Variants in IL31RA observed in about 807,000 individuals in gnomAD.
The protein encoded by IL31RA is interleukin-31 receptor subunit alpha.
Under a neutral mutation model 83.7 loss-of-function variants are expected in IL31RA, and 66 were observed. The ratio of observed to expected loss-of-function variants is 0.79; its 90% CI spans 0.65 to 0.97. The LOEUF (loss-of-function observed/expected upper bound fraction) is 0.97, where lower values mean the gene tolerates loss of function less well. Among genes scored for constraint, IL31RA ranks in the 50% least tolerant of loss-of-function variants. The pLI is 0.00. For missense variants in IL31RA, 798 were observed against 919.4 expected, an observed-to-expected ratio of 0.87 and a Z score of 1.71; for synonymous variants, 325 against 329.0, an observed-to-expected ratio of 0.99 and a Z score of 0.13.
chr5:55,848,588 TA>T (rs1378044919), upstream of IL31RA, among the ~76,000 whole-genome samples: 1 of 152,234 alleles, frequency 6.6e-6, no homozygotes, highest in African/African-American at 2.4e-5. Flanking sequence ...AATTACAATT[TA>T]TCTGTTTTGG....
chr5:55,848,808 A>G (rs1180581942), upstream of IL31RA, among the ~76,000 whole-genome samples: 1 of 152,208 alleles, frequency 6.6e-6, no homozygotes, highest in East Asian at 1.9e-4. Context: ...GGGAAACACT[A>G]TCCATCCGTC....
intron 3 of IL31RA, among the ~76,000 whole-genome samples, chr5:55,869,204 G>T (rs889764572): frequency 1.3e-5 from 2 of 152,138 alleles, no homozygotes; most frequent in Non-Finnish European, 2.9e-5. Flanking sequence ...CCTCTTTCCA[G>T]AATGTGTTAT....
At chr5:55,888,163 T>G (rs559326681) in intron 5 of IL31RA, among the ~76,000 whole-genome samples, 78 of 152,332 alleles carry the variant, frequency 5.1e-4, no homozygotes, top group Non-Finnish European at 7.8e-4. Context: ...AAGCATAGAT[T>G]GTTAACAGTG....
intron 2 of IL31RA, among the ~76,000 whole-genome samples, chr5:55,861,954 G>A (rs1745715927): frequency 6.6e-6 from 1 of 152,174 alleles, no homozygotes; most frequent in African/African-American, 2.4e-5. Context: ...AGGGAAGGAG[G>A]GAGATGGAGA....
chr5:55,905,420 C>T (rs901391880), intron 8 of IL31RA, among the ~76,000 whole-genome samples: 3 of 152,120 alleles, frequency 2.0e-5, no homozygotes, highest in East Asian at 3.9e-4. Flanking sequence ...TCAGTAAGAT[C>T]TCTGTCTGAT....
At chr5:55,870,259 AT>A (rs1746433050) in intron 3 of IL31RA, among the ~76,000 whole-genome samples, 1 of 152,156 alleles carries the variant, frequency 6.6e-6, no homozygotes, top group African/African-American at 2.4e-5. Context: ...GCCCCAAAGT[AT>A]TTTTGTTCGT....
At chr5:55,859,413 C>A (rs1433580042) in intron 1 of IL31RA, 96 bp from the exon 2 acceptor site, 1 of 875,830 alleles carries the variant, frequency 1.1e-6, no homozygotes, top group Non-Finnish European at 2.0e-6. Flanking sequence ...AGGATCCTTC[C>A]TCCTTCCAAA....
At chr5:55,886,268 C>CTTGCTCTTTTTTTTTTTTTTTTTTTTTTT (rs1235138364) in intron 5 of IL31RA, among the ~76,000 whole-genome samples, 2 of 71,502 alleles carry the variant, frequency 2.8e-5, no homozygotes, top group African/African-American at 1.5e-4. Context: ...TGCTTGCTTG[C>CTTGCTCTTTTTTTTTTTTTTTTTTTTTTT]TTTTTTTTTT....
intron 2 of IL31RA, among the ~76,000 whole-genome samples, chr5:55,863,185 CT>C (rs1257253918): frequency 6.6e-6 from 1 of 152,200 alleles, no homozygotes; most frequent in Admixed American, 6.5e-5. Flanking sequence ...CCTCAACCCC[CT>C]AATCTGTGAT....
intron 2 of IL31RA, among the ~76,000 whole-genome samples, chr5:55,865,671 T>C (rs1746007941): frequency 6.6e-6 from 1 of 152,120 alleles, no homozygotes; most frequent in South Asian, 2.1e-4. Flanking sequence ...AAATGGAACA[T>C]CCCTATTTTC....
In IL31RA at chr5:55,916,671, G is replaced by A. The variant is rs762797183; in HGVS notation, c.1846G>A (p.Asp616Asn). The change falls in exon 15 of 15, where the codon GAC (aspartate) becomes AAC (asparagine). Residue 616 changes from aspartate (D) to asparagine (N), a missense_variant. Transcript: ENST00000652347. ...KDKLNLKESD[D>N]SVNTEDRILK... ...TAAGCTAAACCTGAAGGAGTCTGAT[G>A]ACTCTGTGAACACAGAAGACAGGAT... 6.2e-7 allele frequency: 1 copy of A among 1,614,112 alleles called. No individual in the cohort carries two copies. The highest frequency in any genetic ancestry group is 8.5e-7 in the Non-Finnish European group (1 of 1,179,972).
the IL31RA span, chr5:55,840,050 A>G: frequency 2.4e-6 from 1 of 416,258 alleles, no homozygotes; most frequent in Non-Finnish European, 4.6e-6. Flanking sequence ...TCTGGTGTCA[A>G]AACAGACCAG....
chr5:55,902,680 C>T (rs886154546), intron 8 of IL31RA, among the ~76,000 whole-genome samples: 5 of 151,974 alleles, frequency 3.3e-5, no homozygotes, highest in African/African-American at 1.2e-4. Flanking sequence ...ATTTTGCTTA[C>T]TAAAGTGGAG....
In IL31RA at chr5:55,900,114, C is replaced by A. The variant is rs1488425459; in HGVS notation, c.1051C>A (p.Pro351Thr). 1.2e-6 allele frequency: 2 copies of A among 1,613,072 alleles called. No homozygotes were observed. Among genetic ancestry groups the A allele is most frequent in the Admixed American group, 1.7e-5 (1 of 60,026 alleles). Residue 351 changes from proline (P) to threonine (T), a missense_variant, in exon 8 of 15, where the codon CCA becomes ACA. Physicochemically the swap from Pro to Thr is conservative, Grantham distance 38. Transcript: ENST00000652347. ...GKSPVATLRI[P>T]AIQEKSFQCI... is the part of the protein sequence containing the mutation. ...GTCTCCAGTGGCCACCCTGAGGATT[C>A]CAGCTATTCAAGAAAAATGTAAGTA... is the stretch of plus-strand genomic sequence containing the variant.
At chr5:55,888,830 T>C (rs1442094453) in intron 5 of IL31RA, among the ~76,000 whole-genome samples, 1 of 152,160 alleles carries the variant, frequency 6.6e-6, no homozygotes, top group African/African-American at 2.4e-5. Context: ...TCCACCTCCA[T>C]CTCACCAGGC....
At position 55,862,435 on chromosome 5, in the gene IL31RA, G is replaced by T. The variant is rs575040937; in HGVS notation, c.154+2836G>T. 2.6e-5 allele frequency among the ~76,000 whole-genome samples: 4 copies of T among 151,976 alleles called. No homozygotes were observed. The South Asian group carries it at 8.3e-4, about 32-fold the overall frequency. On this transcript the variant is annotated intron_variant, in intron 2 of 14. Transcript: ENST00000652347. Reference sequence around the variant, plus strand: ...ATTTTTTTTTCTGAGACGGAGTCTCGCTCTGTCGCCCTGGCTGGAGTGGAG... The same window carrying T: ...ATTTTTTTTTCTGAGACGGAGTCTCTCTCTGTCGCCCTGGCTGGAGTGGAG...
In IL31RA at chr5:55,872,236, C is replaced by T. The variant is rs201847469; in HGVS notation, c.273-34C>T. 410 of 1,507,628 alleles carry T rather than the reference C, an allele frequency of 2.7e-4. 3 individuals are homozygous for T. In the African/African-American group the frequency reaches 5.4e-3, roughly 20 times the overall value. The allele number at this position is 1,507,628 out of a possible 1,614,324, so 93.4% of individuals were successfully genotyped here. ...ATGGTTATGTTTCCAAACCATTGTA[C>T]TAAACTCATGTTGAATCACTTTTTC... On this transcript the variant is annotated intron_variant, in intron 3 of 14. Coordinates refer to ENST00000652347, the MANE Select transcript of IL31RA (RefSeq NM_139017.7).
At chr5:55,912,388 G>C (rs532059108) in intron 12 of IL31RA, among the ~76,000 whole-genome samples, 105 of 152,262 alleles carry the variant, frequency 6.9e-4, no homozygotes, top group African/African-American at 2.4e-3. Context: ...CTGCTTCAAA[G>C]CTTTTGCATC....
intron 2 of IL31RA, among the ~76,000 whole-genome samples, chr5:55,866,986 A>C (rs1746090111): frequency 1.1e-4 from 3 of 28,082 alleles, no homozygotes; most frequent in African/African-American, 2.2e-4. Context: ...TAAGACTATG[A>C]TCTTTCCAGA....
Sources: gnomAD v4.1 joint callset for allele counts (sites outside exome capture counted in the v4.1 genomes callset) on GRCh38, gnomAD v4.1.1 for gene constraint, MANE v1.5 for transcripts, NCBI Gene and HGNC (gene_info 2026-07-23, HGNC 2026-07-21) for gene names.